Variants in BACH2 observed in about 807,000 individuals in gnomAD.
The protein encoded by BACH2 is transcription regulator protein BACH2.
Under a neutral mutation model 61.8 loss-of-function variants are expected in BACH2, and 5 were observed. That is an observed-to-expected ratio of 0.08 (90% CI 0.04 to 0.17). BACH2 has a LOEUF of 0.17. Ranked by LOEUF, BACH2 falls within the 10% of genes least tolerant of loss-of-function variation. The pLI, the probability that BACH2 is intolerant of heterozygous loss-of-function variation, is 1.00. For missense variants in BACH2, 824 were observed against 1,091.1 expected (o/e 0.76, Z 3.45); for synonymous variants, 446 against 440.1 (o/e 1.01, Z -0.17).
At chr6:90,089,959 A>G (rs1782094939) in intron 4 of BACH2, among the ~76,000 whole-genome samples, 1 of 152,206 alleles carries the variant, frequency 6.6e-6, no homozygotes, top group Admixed American at 6.5e-5. Flanking sequence ...AGGTTTTCCT[A>G]CCAAAGAAGT....
intron 3 of BACH2, among the ~76,000 whole-genome samples, chr6:90,221,768 G>A (rs1317506612): frequency 6.6e-6 from 1 of 152,102 alleles, no homozygotes; most frequent in Non-Finnish European, 1.5e-5. Flanking sequence ...ATTTCAGAAA[G>A]AAGAAACTGA....
intron 1 of BACH2, among the ~76,000 whole-genome samples, chr6:90,294,486 C>T (rs1438885424): frequency 6.6e-6 from 1 of 152,136 alleles, no homozygotes; most frequent in Non-Finnish European, 1.5e-5. Context: ...TTCAGCCACT[C>T]AAAGTTTTGT....
intron 4 of BACH2, among the ~76,000 whole-genome samples, chr6:90,168,276 C>A (rs968049235): frequency 6.6e-6 from 1 of 152,096 alleles, no homozygotes; most frequent in African/African-American, 2.4e-5. Flanking sequence ...ACTGCTTGAG[C>A]CCAGGAGGCA....
intron 3 of BACH2, among the ~76,000 whole-genome samples, chr6:90,207,567 G>A (rs1213313134): frequency 6.6e-6 from 1 of 152,084 alleles, no homozygotes; most frequent in Non-Finnish European, 1.5e-5. Flanking sequence ...CTCAATTTGT[G>A]TGTTATTTTT....
intron 5 of BACH2, among the ~76,000 whole-genome samples, chr6:90,035,793 A>G (rs1373956540): frequency 6.6e-6 from 1 of 151,998 alleles, no homozygotes; most frequent in Non-Finnish European, 1.5e-5. Flanking sequence ...AAAATTATAG[A>G]CGTTTAGGCT....
chr6:90,129,841 C>T (rs763413977), intron 4 of BACH2, among the ~76,000 whole-genome samples: 7 of 151,496 alleles, frequency 4.6e-5, no homozygotes, highest in Non-Finnish European at 7.4e-5. Context: ...GCTGAAGTTG[C>T]TTATCAGTTC....
intron 1 of BACH2, among the ~76,000 whole-genome samples, chr6:90,283,962 G>A (rs1312228337): frequency 1.3e-5 from 2 of 151,546 alleles, no homozygotes; most frequent in South Asian, 2.1e-4. Flanking sequence ...GGCCGAGATC[G>A]CACCACTGCA....
intron 8 of BACH2, among the ~76,000 whole-genome samples, chr6:89,934,018 CA>C (rs202103667): frequency 1.1e-4 from 17 of 150,814 alleles, no homozygotes; most frequent in Admixed American, 7.3e-4. Flanking sequence ...AAAAAAAAGA[CA>C]AAAAAAAAGT....
intron 4 of BACH2, among the ~76,000 whole-genome samples, chr6:90,169,653 G>A (rs1332648422): frequency 6.6e-6 from 1 of 152,176 alleles, no homozygotes; most frequent in Non-Finnish European, 1.5e-5. Context: ...TGGATTAACG[G>A]TGCTCCTTTT....
At chr6:90,093,233 T>C (rs1562438867) in intron 4 of BACH2, among the ~76,000 whole-genome samples, 1 of 152,182 alleles carries the variant, frequency 6.6e-6, no homozygotes, top group Non-Finnish European at 1.5e-5. Context: ...TTACTGTTGT[T>C]TGTCTATCAG....
intron 2 of BACH2, among the ~76,000 whole-genome samples, chr6:90,269,738 T>C (rs1771460527): frequency 6.6e-6 from 1 of 152,226 alleles, no homozygotes; most frequent in Non-Finnish European, 1.5e-5. Flanking sequence ...CTATATTGTT[T>C]GGATTCCTTA....
At chr6:90,295,440 G>GCTCCAT (rs2127896177) in intron 1 of BACH2, among the ~76,000 whole-genome samples, 1 of 152,238 alleles carries the variant, frequency 6.6e-6, no homozygotes, top group East Asian at 1.9e-4. Flanking sequence ...TCGCCGAGAT[G>GCTCCAT]CTCGCTCCAG....
chr6:90,132,856 T>C (rs1188916131), intron 4 of BACH2, among the ~76,000 whole-genome samples: 2 of 152,194 alleles, frequency 1.3e-5, no homozygotes, highest in Non-Finnish European at 2.9e-5. Flanking sequence ...AGCCCTGCAC[T>C]GTACCCACTC....
intron 4 of BACH2, among the ~76,000 whole-genome samples, chr6:90,168,623 A>T (rs2127836153): frequency 2.6e-5 from 4 of 152,318 alleles, no homozygotes; most frequent in Admixed American, 2.6e-4. Context: ...CAATGCCTCC[A>T]GGCCCAAACA....
At chr6:90,163,053 A>C (rs1023353303) in intron 4 of BACH2, among the ~76,000 whole-genome samples, 1 of 152,206 alleles carries the variant, frequency 6.6e-6, no homozygotes, top group African/African-American at 2.4e-5. Context: ...ATCTCAGATA[A>C]AGGCAGAAAT....
intron 4 of BACH2, among the ~76,000 whole-genome samples, chr6:90,195,693 C>T (rs984232272): frequency 6.6e-6 from 1 of 152,218 alleles, no homozygotes; most frequent in Non-Finnish European, 1.5e-5. Flanking sequence ...AAATGCCCCA[C>T]TGTTCTTCTA....
chr6:90,014,440 GTATATA>G (rs1201471150), intron 5 of BACH2, among the ~76,000 whole-genome samples: 14 of 48,034 alleles, frequency 2.9e-4, no homozygotes, highest in Non-Finnish European at 4.1e-4. Context: ...GTGTGTGTGT[GTATATA>G]TATATATATA....
intron 4 of BACH2, among the ~76,000 whole-genome samples, chr6:90,172,753 A>G (rs1177239598): frequency 6.6e-6 from 1 of 152,206 alleles, no homozygotes; most frequent in Non-Finnish European, 1.5e-5. Flanking sequence ...TCTAAAGGAC[A>G]TGCTTCAGAA....
intron 7 of BACH2, among the ~76,000 whole-genome samples, chr6:89,941,154 C>T (rs1773405244): frequency 3.3e-5 from 5 of 152,188 alleles, no homozygotes; most frequent in African/African-American, 1.2e-4. Flanking sequence ...AGGATGAAGA[C>T]ATTTGATCCT....
Sources: gnomAD v4.1 joint callset for allele counts (sites outside exome capture counted in the v4.1 genomes callset) on GRCh38, gnomAD v4.1.1 for gene constraint, MANE v1.5 for transcripts, NCBI Gene and HGNC (gene_info 2026-07-23, HGNC 2026-07-21) for gene names.